The following SRRM4 variants were observed in gnomAD, a reference collection of about 807,000 sequenced individuals.
SRRM4 encodes serine/arginine repetitive matrix protein 4.
Under a neutral mutation model 68.9 loss-of-function variants are expected in SRRM4, and 33 were observed. The ratio of observed to expected loss-of-function variants is 0.48; its 90% confidence interval spans 0.36 to 0.64. The LOEUF is 0.64. Among genes scored for constraint, SRRM4 ranks in the 30% least tolerant of loss-of-function variants. SRRM4 has a pLI of 0.00. For missense variants in SRRM4, 817 were observed against 827.1 expected (o/e 0.99, Z 0.15); for synonymous variants, 318 against 318.8 (o/e 1.00, Z 0.03).
At chr12:119,061,411 G>C (rs889709502) in intron 1 of SRRM4, among the ~76,000 whole-genome samples, 2 of 152,128 alleles carry the variant, frequency 1.3e-5, no homozygotes, top group Non-Finnish European at 2.9e-5. Context: ...TTCAGCACCA[G>C]GGACAGCGAC....
At chr12:118,992,161 C>G (rs1022701548) in intron 1 of SRRM4, 2 of 152,202 alleles carry the variant, frequency 1.3e-5, no homozygotes, top group Non-Finnish European at 2.9e-5. Flanking sequence ...GACACTGAAG[C>G]CTGCAAAAAG....
chr12:118,999,645 C>A (rs536390886), intron 1 of SRRM4, among the ~76,000 whole-genome samples: 7 of 152,050 alleles, frequency 4.6e-5, no homozygotes, highest in African/African-American at 1.7e-4. Context: ...CTAAGCATTT[C>A]GTTTACTGTA....
At chr12:119,090,039 C>T (rs1201449369) in intron 1 of SRRM4, among the ~76,000 whole-genome samples, 2 of 152,036 alleles carry the variant, frequency 1.3e-5, no homozygotes, top group Non-Finnish European at 2.9e-5. Context: ...CTATTTGACT[C>T]CAGTTAATAC....
At chr12:119,008,046 T>C (rs1401584257) in intron 1 of SRRM4, among the ~76,000 whole-genome samples, 1 of 152,158 alleles carries the variant, frequency 6.6e-6, no homozygotes, top group Admixed American at 6.5e-5. Flanking sequence ...ATGTGGCACA[T>C]AGTGGGTGCT....
At chr12:119,000,811 A>T (rs1953379047) in intron 1 of SRRM4, 1 of 152,164 alleles carries the variant, frequency 6.6e-6, no homozygotes, top group African/African-American at 2.4e-5. Flanking sequence ...TAGTCATGGG[A>T]TCATTTGGCC....
intron 1 of SRRM4, among the ~76,000 whole-genome samples, chr12:119,082,923 A>G (rs989358851): frequency 3.9e-5 from 6 of 152,164 alleles, no homozygotes; most frequent in African/African-American, 1.4e-4. Flanking sequence ...ATGCCCTAAG[A>G]CTGCTTAGCA....
intron 1 of SRRM4, among the ~76,000 whole-genome samples, chr12:119,043,384 C>T (rs1378441305): frequency 6.6e-6 from 1 of 151,090 alleles, no homozygotes; most frequent in Non-Finnish European, 1.5e-5. Context: ...ACAACATACA[C>T]CTGGGGCCTG....
chr12:119,144,072 C>A (rs1045951815), intron 8 of SRRM4, among the ~76,000 whole-genome samples: 2 of 152,118 alleles, frequency 1.3e-5, no homozygotes, highest in Non-Finnish European at 2.9e-5. Context: ...CAAGTGCTGG[C>A]TTTCCATCGC....
At chr12:118,986,246 G>T (rs1231772226) in intron 1 of SRRM4, among the ~76,000 whole-genome samples, 1 of 152,196 alleles carries the variant, frequency 6.6e-6, no homozygotes, top group Non-Finnish European at 1.5e-5. Context: ...GCAGCCTGTG[G>T]TTAAGAGCCA....
At chr12:119,004,759 G>A (rs936381893) in intron 1 of SRRM4, among the ~76,000 whole-genome samples, 1 of 151,968 alleles carries the variant, frequency 6.6e-6, no homozygotes, top group African/African-American at 2.4e-5. Flanking sequence ...GCACTGAGAA[G>A]GCACTTTACT....
intron 1 of SRRM4, among the ~76,000 whole-genome samples, chr12:119,086,675 C>T (rs1040147741): frequency 1.3e-5 from 2 of 152,172 alleles, no homozygotes; most frequent in Non-Finnish European, 2.9e-5. Flanking sequence ...TGGTGCACAG[C>T]TTTCTGGTTG....
At chr12:119,027,937 G>A (rs892178827) in intron 1 of SRRM4, among the ~76,000 whole-genome samples, 3 of 152,178 alleles carry the variant, frequency 2.0e-5, no homozygotes, top group Non-Finnish European at 4.4e-5. Flanking sequence ...GCATCAACCC[G>A]AGTGGAGTAT....
At chr12:119,017,884 G>A (rs1367574309) in intron 1 of SRRM4, among the ~76,000 whole-genome samples, 2 of 152,156 alleles carry the variant, frequency 1.3e-5, no homozygotes, top group African/African-American at 4.8e-5. Flanking sequence ...CTAAATTCAG[G>A]CTGACCTGAG....
rs1954476827 is a variant in SRRM4, at chr12:119,156,819, C to CGTGG, written c.*23_*26dup. ...GCTAAGTGCCCCTGAGCCAGCTGCC[C>CGTGG]GTGGGGGCCCCTTCGCGCTGCCAGC... On this transcript the variant is annotated 3_prime_UTR_variant, in exon 13 of 13. Transcript: ENST00000267260. 6.7e-7 allele frequency: 1 copy of CGTGG among 1,500,160 alleles called. No individual in the cohort carries two copies. Among genetic ancestry groups the CGTGG allele is most frequent in the Non-Finnish European group, 8.9e-7 (1 of 1,126,962 alleles). The allele number at this position is 1,500,160 out of a possible 1,614,324, so 92.9% of individuals were successfully genotyped here. A position where few individuals can be genotyped will look rare whatever the true frequency, so the allele number is the denominator to read the frequency against.
intron 1 of SRRM4, among the ~76,000 whole-genome samples, chr12:119,036,077 G>A (rs1953625081): frequency 6.6e-6 from 1 of 152,170 alleles, no homozygotes; most frequent in South Asian, 2.1e-4. Flanking sequence ...GATAGATGGA[G>A]CCAATGATAT....
chr12:119,052,915 G>C (rs537291208), intron 1 of SRRM4, among the ~76,000 whole-genome samples: 1 of 152,310 alleles, frequency 6.6e-6, no homozygotes, highest in African/African-American at 2.4e-5. Context: ...TTGGAGATTG[G>C]AGTGCTATGT....
At chr12:119,058,431 T>C (rs1042070470) in intron 1 of SRRM4, among the ~76,000 whole-genome samples, 3 of 152,170 alleles carry the variant, frequency 2.0e-5, no homozygotes, top group Non-Finnish European at 4.4e-5. Context: ...GTTGTCCCCA[T>C]TTTACAGAAA....
At chr12:119,059,731 T>C (rs1406943292) in intron 1 of SRRM4, among the ~76,000 whole-genome samples, 2 of 152,206 alleles carry the variant, frequency 1.3e-5, no homozygotes, top group African/African-American at 2.4e-5. Flanking sequence ...ATCTTCTCCA[T>C]ATCTCATGTC....
At chr12:119,025,247 G>A (rs1953540583) in intron 1 of SRRM4, among the ~76,000 whole-genome samples, 1 of 151,894 alleles carries the variant, frequency 6.6e-6, no homozygotes, top group Non-Finnish European at 1.5e-5. Context: ...AGAGGATCGG[G>A]CAGTGCAAAC....
Sources: gnomAD v4.1 joint callset for allele counts (sites outside exome capture counted in the v4.1 genomes callset) on GRCh38, gnomAD v4.1.1 for gene constraint, MANE v1.5 for transcripts, NCBI Gene and HGNC (gene_info 2026-07-23, HGNC 2026-07-21) for gene names.